The following EML6 variants were observed in gnomAD, a reference collection of about 807,000 sequenced individuals.
EML6 encodes echinoderm microtubule-associated protein-like 6.
EML6 carries 154 observed loss-of-function variants against 240.1 expected under a neutral mutation model. That is an observed-to-expected ratio of 0.64 (90% CI 0.56 to 0.73). The LOEUF is 0.73. Ranked by LOEUF, EML6 falls within the 30% of genes least tolerant of loss-of-function variation. The pLI is 0.00. For missense variants in EML6, 2,964 were observed against 2,474.6 expected (o/e 1.20, Z -4.20); for synonymous variants, 1,148 against 899.0 (o/e 1.28, Z -4.95).
chr2:54,844,101 A>G lies in EML6; in HGVS notation c.902A>G (p.Gln301Arg). Residue 301 changes from glutamine to arginine, a missense_variant, in exon 8 of 42, where the codon CAG (glutamine) becomes CGG (arginine). Physicochemically the swap from Gln to Arg is conservative, Grantham distance 43. Transcript: ENST00000356458. Reference sequence around the variant, plus strand: ...GCAGACCGCCTTCTAGCAGGGACCCAGGACAGTGAGATATTTGAAGTGATT... The same window carrying G: ...GCAGACCGCCTTCTAGCAGGGACCCGGGACAGTGAGATATTTGAAGTGATT... ...WKADRLLAGT[Q>R]DSEIFEVIVR... The G allele has an allele frequency of 6.4e-7, 1 of 1,551,514 alleles. No individual in the cohort carries two copies. Among genetic ancestry groups the G allele is most frequent in the Non-Finnish European group, 8.7e-7 (1 of 1,146,968 alleles).
At chr2:54,761,527 A>G (rs369763645) in intron 2 of EML6, among the ~76,000 whole-genome samples, 2 of 152,318 alleles carry the variant, frequency 1.3e-5, no homozygotes, top group East Asian at 3.9e-4. Context: ...TTGATCATTT[A>G]AAAAATCACA....
At chr2:54,804,702 A>G (rs186453783) in intron 2 of EML6, among the ~76,000 whole-genome samples, 15 of 152,382 alleles carry the variant, frequency 9.8e-5, no homozygotes, top group Middle Eastern at 3.4e-3. Context: ...AGAAAGCATT[A>G]TAATGTAAAT....
At chr2:54,803,040 C>T (rs980710083) in intron 2 of EML6, among the ~76,000 whole-genome samples, 1 of 152,094 alleles carries the variant, frequency 6.6e-6, no homozygotes, top group Non-Finnish European at 1.5e-5. Flanking sequence ...ACTTACTCCT[C>T]CAAACACCAA....
intron 21 of EML6, among the ~76,000 whole-genome samples, 165 bp from the exon 22 acceptor site, chr2:54,899,476 A>G (rs1206207207): frequency 1.3e-5 from 2 of 152,148 alleles, no homozygotes; most frequent in Non-Finnish European, 2.9e-5. Flanking sequence ...TTAAATGAAA[A>G]AATTATTTCG....
chr2:54,791,101 C>G (rs1051138294), intron 2 of EML6, among the ~76,000 whole-genome samples: 1 of 152,130 alleles, frequency 6.6e-6, no homozygotes, highest in Non-Finnish European at 1.5e-5. Context: ...AGCATTTCTT[C>G]TGAATAAATA....
chr2:54,887,691 G>C (rs1299893027), intron 17 of EML6, among the ~76,000 whole-genome samples: 1 of 152,166 alleles, frequency 6.6e-6, no homozygotes, highest in Non-Finnish European at 1.5e-5. Flanking sequence ...CTGAGGAACA[G>C]GTCCAGCTTT....
At chr2:54,842,681 A>G (rs998598566) in intron 7 of EML6, among the ~76,000 whole-genome samples, 3 of 152,164 alleles carry the variant, frequency 2.0e-5, no homozygotes, top group East Asian at 1.9e-4. Context: ...TCTAATTCGG[A>G]TTCAAAAACT....
In EML6 at chr2:54,950,787, G is replaced by C. The variant is rs1315642639; in HGVS notation, c.4213+8G>C. The C allele has an allele frequency of 6.5e-7, 1 of 1,545,834 alleles. No homozygotes were observed. The highest frequency in any genetic ancestry group is 1.4e-5 in the African/African-American group (1 of 72,586). ...TTCAGAACCTCTCCACAGGTAACCG[G>C]GGGTTAAAAAATACAGGTTTTTCTT... On this transcript the variant is annotated splice_region_variant and intron_variant, in intron 30 of 41. Transcript: ENST00000356458.
Position 54,950,450 on chromosome 2 carries a change from C to G in EML6, c.4084-200C>G, listed in dbSNP as rs151125313. On this transcript the variant is annotated intron_variant, in intron 29 of 41. Transcript: ENST00000356458. ...GATTCTGTGTGTTAGACTGCCACCC[C>G]AGCATTTCAGAAAACTAAAGAAGGG... is the stretch of plus-strand genomic sequence containing the variant. Among the ~76,000 whole-genome samples the G allele has an allele frequency of 1.2e-4, 18 of 152,338 alleles. No homozygotes were observed. The South Asian group carries it at 3.7e-3, about 32-fold the overall frequency.
At chr2:54,852,002 G>A (rs763907758) in intron 10 of EML6, among the ~76,000 whole-genome samples, 4 of 152,160 alleles carry the variant, frequency 2.6e-5, no homozygotes, top group Non-Finnish European at 4.4e-5. Context: ...TAGAAAAAAT[G>A]GCCCTGGGAG....
intron 10 of EML6, among the ~76,000 whole-genome samples, chr2:54,852,253 C>A (rs1670131411): frequency 6.6e-6 from 1 of 152,146 alleles, no homozygotes; most frequent in African/African-American, 2.4e-5. Flanking sequence ...ACATAATACT[C>A]ATTTATTAAC....
At chr2:54,878,070 T>C (rs915447392) in intron 16 of EML6, among the ~76,000 whole-genome samples, 1 of 152,234 alleles carries the variant, frequency 6.6e-6, no homozygotes, top group African/African-American at 2.4e-5. Context: ...ATTTTTGTCA[T>C]AAGTGTATTC....
chr2:54,768,781 T>G (rs1449566040), intron 2 of EML6, among the ~76,000 whole-genome samples: 1 of 152,230 alleles, frequency 6.6e-6, no homozygotes, highest in Non-Finnish European at 1.5e-5. Context: ...AAAACTTTTC[T>G]GTTTAATAGT....
intron 26 of EML6, among the ~76,000 whole-genome samples, chr2:54,920,026 C>T (rs574465734): frequency 2.3e-4 from 35 of 151,844 alleles, no homozygotes; most frequent in African/African-American, 7.5e-4. Flanking sequence ...TAATAGAAAC[C>T]CACAACCTAA....
intron 2 of EML6, among the ~76,000 whole-genome samples, chr2:54,811,991 G>A (rs1667871381): frequency 6.6e-6 from 1 of 152,176 alleles, no homozygotes; most frequent in Non-Finnish European, 1.5e-5. Context: ...GCACTTTTCA[G>A]ATGTCCAACA....
intron 4 of EML6, 83 bp downstream of exon 4, chr2:54,816,968 T>C: frequency 1.2e-6 from 1 of 809,180 alleles, no homozygotes; most frequent in Non-Finnish European, 2.1e-6. Context: ...CTAATGTTTT[T>C]AACAGTAAAT....
chr2:54,968,598 C>G, intron 40 of EML6, 70 bp from the exon 41 acceptor site: 1 of 890,922 alleles, frequency 1.1e-6, no homozygotes, highest in Non-Finnish European at 1.8e-6. Flanking sequence ...GATTTGAGTG[C>G]TGGAAGTAGT....
rs534450876 is a variant in EML6 at position 54,895,426 on chromosome 2, G to A, written c.2982+26G>A. ...GTACTGTTTGTATGTATTCTAAACT[G>A]CAGTTCACATCAAGGCTGGGACTAG... On this transcript the variant is annotated intron_variant, in intron 21 of 41. Transcript: ENST00000356458. 3.2e-6 allele frequency: 5 copies of A among 1,550,642 alleles called. No homozygotes were observed. In the South Asian group the frequency reaches 3.6e-5, roughly 11 times the overall value.
At chr2:54,874,985 C>T (rs1345008665) in intron 16 of EML6, among the ~76,000 whole-genome samples, 1 of 152,142 alleles carries the variant, frequency 6.6e-6, no homozygotes, top group Non-Finnish European at 1.5e-5. Flanking sequence ...GCCAGGAGTT[C>T]TCCTAGGTGT....
Sources: gnomAD v4.1 joint callset for allele counts (sites outside exome capture counted in the v4.1 genomes callset) on GRCh38, gnomAD v4.1.1 for gene constraint, MANE v1.5 for transcripts, NCBI Gene and HGNC (gene_info 2026-07-23, HGNC 2026-07-21) for gene names.